The following ALDH1A2 variants were observed in gnomAD, a reference collection of about 807,000 sequenced individuals.
ALDH1A2 encodes the protein retinal dehydrogenase 2.
In ALDH1A2, 27 loss-of-function variants were observed where a neutral mutation model predicts 60.3. The ratio of observed to expected loss-of-function variants is 0.45; its 90% CI spans 0.33 to 0.62. The LOEUF (loss-of-function observed/expected upper bound fraction) is 0.62. ALDH1A2 is among the 20% of genes least tolerant of loss of function. ALDH1A2 has a pLI of 0.02. For synonymous variants in ALDH1A2, 289 were observed against 232.4 expected, an observed-to-expected ratio of 1.24 and a Z score of -2.21; for missense variants, 581 against 643.8, an observed-to-expected ratio of 0.90 and a Z score of 1.06.
At position 58,065,633 on chromosome 15, in the gene ALDH1A2, T is replaced by G; in HGVS notation, c.18A>C (p.Ile6=). 1.2e-6 allele frequency: 2 copies of G among 1,602,114 alleles called. No individual in the cohort carries two copies. ...CGGCCTTCACCTCGCCGGGCATCTCTATCTTGCTGGAAGTCATGGTGGCGG... is the reference window on the plus strand; with the variant it reads ...CGGCCTTCACCTCGCCGGGCATCTCGATCTTGCTGGAAGTCATGGTGGCGG... MTSSK[I]EMPGEVKADP... is the part of the protein sequence containing the mutation. The change falls in exon 1 of 13, where the codon ATA becomes ATC. Residue 6 remains isoleucine, a synonymous_variant. Coordinates refer to ENST00000249750, the MANE Select transcript of ALDH1A2 (RefSeq NM_003888.4).
intron 1 of ALDH1A2, chr15:58,058,165 T>G (rs1213571431): frequency 8.3e-7 from 1 of 1,205,182 alleles, no homozygotes; most frequent in Non-Finnish European, 1.2e-6. Context: ...ATTTCATAAT[T>G]TCACCTTCCC....
At chr15:58,024,859 A>G (rs1896034286) in intron 1 of ALDH1A2, among the ~76,000 whole-genome samples, 1 of 152,228 alleles carries the variant, frequency 6.6e-6, no homozygotes, top group Admixed American at 6.5e-5. Context: ...ACAAAGGAAT[A>G]AAACTAGAAA....
At chr15:58,064,709 C>T (rs1190080588) in intron 1 of ALDH1A2, among the ~76,000 whole-genome samples, 1 of 152,152 alleles carries the variant, frequency 6.6e-6, no homozygotes. Context: ...CATTACAATA[C>T]CCCTACGTTT....
At chr15:57,979,110 A>G (rs1894387006) in intron 7 of ALDH1A2, among the ~76,000 whole-genome samples, 1 of 152,042 alleles carries the variant, frequency 6.6e-6, no homozygotes, top group African/African-American at 2.4e-5. Flanking sequence ...TTCCTTGTAC[A>G]GGCCTCACTT....
chr15:58,038,887 T>C (rs1473998826), intron 1 of ALDH1A2, among the ~76,000 whole-genome samples: 5 of 151,826 alleles, frequency 3.3e-5, no homozygotes, highest in Admixed American at 2.6e-4. Flanking sequence ...CTAGTGCACA[T>C]ATAAAGTGCC....
At chr15:58,030,592 G>C (rs1896210303) in intron 1 of ALDH1A2, among the ~76,000 whole-genome samples, 2 of 152,178 alleles carry the variant, frequency 1.3e-5, no homozygotes, top group Admixed American at 6.5e-5. Context: ...AAAAGAGGAA[G>C]TCAAATTGTC....
chr15:58,012,534 TA>T (rs1410933939), intron 3 of ALDH1A2, among the ~76,000 whole-genome samples: 5 of 152,188 alleles, frequency 3.3e-5, no homozygotes, highest in Non-Finnish European at 7.3e-5. Flanking sequence ...GAGCCTTTAA[TA>T]TGCCCAGTGT....
At chr15:57,996,765 CA>C (rs1895078349) in intron 4 of ALDH1A2, among the ~76,000 whole-genome samples, 1 of 151,936 alleles carries the variant, frequency 6.6e-6, no homozygotes, top group Non-Finnish European at 1.5e-5. Flanking sequence ...AAAAGTTTAA[CA>C]ATTCATAATT....
intron 7 of ALDH1A2, among the ~76,000 whole-genome samples, chr15:57,983,700 A>G (rs1381000459): frequency 6.6e-6 from 1 of 152,196 alleles, no homozygotes; most frequent in Admixed American, 6.5e-5. Flanking sequence ...AATGATGCAG[A>G]GAATTCTCTT....
At chr15:57,955,365 C>A in intron 12 of ALDH1A2, 96 bp from the exon 13 acceptor site, 1 of 1,253,666 alleles carries the variant, frequency 8.0e-7, no homozygotes. Flanking sequence ...TTATCACCTG[C>A]GAACAGCAAG....
At chr15:57,982,217 C>A (rs1894539285) in intron 7 of ALDH1A2, among the ~76,000 whole-genome samples, 1 of 152,166 alleles carries the variant, frequency 6.6e-6, no homozygotes, top group Admixed American at 6.5e-5. Flanking sequence ...GAGGTAGGTA[C>A]AATCATCTCT....
chr15:57,978,544 G>A (rs1595631482), intron 7 of ALDH1A2, among the ~76,000 whole-genome samples: 1 of 152,314 alleles, frequency 6.6e-6, no homozygotes, highest in East Asian at 1.9e-4. Context: ...CGACTGGATT[G>A]TGGTGGATAA....
chr15:57,995,818 T>A (rs962377606), intron 4 of ALDH1A2, among the ~76,000 whole-genome samples: 1 of 152,148 alleles, frequency 6.6e-6, no homozygotes, highest in Non-Finnish European at 1.5e-5. Flanking sequence ...AAAAACTTAA[T>A]AACCTTGTTT....
chr15:58,051,771 C>G (rs1896783303), intron 1 of ALDH1A2, among the ~76,000 whole-genome samples: 1 of 152,122 alleles, frequency 6.6e-6, no homozygotes, highest in South Asian at 2.1e-4. Context: ...CTCCAGATCT[C>G]TTAGGTCAGA....
At chr15:58,038,923 A>T (rs1283347854) in intron 1 of ALDH1A2, among the ~76,000 whole-genome samples, 2 of 151,802 alleles carry the variant, frequency 1.3e-5, no homozygotes. Flanking sequence ...GAAACGTTTC[A>T]AGTTTTGAAA....
chr15:57,961,635 T>A (rs1223093673), intron 10 of ALDH1A2, among the ~76,000 whole-genome samples: 1 of 152,174 alleles, frequency 6.6e-6, no homozygotes, highest in Non-Finnish European at 1.5e-5. Flanking sequence ...GCTGATTTGC[T>A]CCTTGTCCCT....
At chr15:58,063,500 T>TA (rs1183143647) in intron 1 of ALDH1A2, among the ~76,000 whole-genome samples, 1 of 151,996 alleles carries the variant, frequency 6.6e-6, no homozygotes, top group African/African-American at 2.4e-5. Flanking sequence ...TTCCTTTAAG[T>TA]AAAAAAATCA....
chr15:57,977,144 G>A (rs867592899), intron 7 of ALDH1A2, among the ~76,000 whole-genome samples: 5 of 151,676 alleles, frequency 3.3e-5, no homozygotes, highest in African/African-American at 9.7e-5. Context: ...GTAGAGTCTG[G>A]ATATTAGCCC....
chr15:58,012,556 T>C (rs1895663439), intron 3 of ALDH1A2, among the ~76,000 whole-genome samples: 1 of 152,202 alleles, frequency 6.6e-6, no homozygotes, highest in South Asian at 2.1e-4. Flanking sequence ...CTTGTGAATC[T>C]GCAAGGAGGA....
Sources: gnomAD v4.1 joint callset for allele counts (sites outside exome capture counted in the v4.1 genomes callset) on GRCh38, gnomAD v4.1.1 for gene constraint, MANE v1.5 for transcripts, NCBI Gene and HGNC (gene_info 2026-07-23, HGNC 2026-07-21) for gene names.